The following CRACDL variants were observed in gnomAD, a reference collection of about 807,000 sequenced individuals.
The protein encoded by CRACDL is CRACD like, also known as CRACD-like protein.
Under a neutral mutation model 70.6 loss-of-function variants are expected in CRACDL, and 26 were observed. The ratio of observed to expected loss-of-function variants is 0.37; its 90% CI spans 0.27 to 0.51. The LOEUF is 0.51. Ranked by LOEUF, CRACDL falls within the 20% of genes least tolerant of loss-of-function variation. The pLI, the probability that CRACDL is intolerant of heterozygous loss-of-function variation, is 0.94. For synonymous variants in CRACDL, 618 were observed against 615.2 expected (o/e 1.00, Z -0.07); for missense variants, 1,283 against 1,376.9 (o/e 0.93, Z 1.08).
chr2:98,865,014 A>T (rs1167247983), intron 1 of CRACDL, among the ~76,000 whole-genome samples: 1 of 152,212 alleles, frequency 6.6e-6, no homozygotes, highest in Non-Finnish European at 1.5e-5. Context: ...ATGCAATCTC[A>T]TGGAGAAGAC....
At chr2:98,802,037 G>A (rs1342636714) in intron 7 of CRACDL, among the ~76,000 whole-genome samples, 1 of 152,238 alleles carries the variant, frequency 6.6e-6, no homozygotes, top group Non-Finnish European at 1.5e-5. Flanking sequence ...GCCTCTTGCA[G>A]GGTCAGGCAG....
At chr2:98,865,703 G>C (rs946280880) in intron 1 of CRACDL, among the ~76,000 whole-genome samples, 1 of 152,034 alleles carries the variant, frequency 6.6e-6, no homozygotes, top group African/African-American at 2.4e-5. Flanking sequence ...CAAAAGCAGA[G>C]GGACTTGACA....
intron 1 of CRACDL, among the ~76,000 whole-genome samples, chr2:98,894,473 G>A (rs888260386): frequency 1.3e-5 from 2 of 152,192 alleles, no homozygotes; most frequent in Non-Finnish European, 2.9e-5. Flanking sequence ...GAAAATCCCC[G>A]GAGTTACCTA....
chr2:98,853,609 A>T (rs1706570962), intron 1 of CRACDL, among the ~76,000 whole-genome samples: 1 of 152,216 alleles, frequency 6.6e-6, no homozygotes, highest in Non-Finnish European at 1.5e-5. Context: ...AATGTGGTAA[A>T]TATGTGGGTA....
At position 98,832,423 on chromosome 2, in the gene CRACDL, A is replaced by G. The variant is rs2104499845; in HGVS notation, c.465T>C (p.Ser155=). Reference sequence around the variant, plus strand: ...GGCTCCTGGGCAGCCCGTCGTCCTCAGAGCTCATGCCGGCATCCTCTCCCC... The same window carrying G: ...GGCTCCTGGGCAGCCCGTCGTCCTCGGAGCTCATGCCGGCATCCTCTCCCC... ...AKRGEDAGMS[S]EDDGLPRSPP... is the part of the protein sequence containing the mutation. The change falls in exon 5 of 10, where the codon TCT becomes TCC. Residue 155 remains serine (S), a synonymous_variant. Coordinates refer to ENST00000397899, the MANE Select transcript of CRACDL (RefSeq NM_207362.3). 1 of 1,614,174 alleles carries G rather than the reference A, an allele frequency of 6.2e-7. No homozygotes were observed. The highest frequency in any genetic ancestry group is 1.3e-5 in the African/African-American group (1 of 75,064).
rs57359413 is a variant in CRACDL at position 98,831,826 on chromosome 2, G to T, written c.540+522C>A. On this transcript the variant is annotated intron_variant, in intron 5 of 9. Transcript: ENST00000397899. ...TTCCTCCACCCTGCTGAGGTCATCAGTTCCTCTCTTGCTTGTCAACCTTTC... is the reference window on the plus strand; with the variant it reads ...TTCCTCCACCCTGCTGAGGTCATCATTTCCTCTCTTGCTTGTCAACCTTTC... 7.5e-3 allele frequency among the ~76,000 whole-genome samples: 1,135 copies of T among 152,256 alleles called. 14 individuals carry two copies. The highest frequency in any genetic ancestry group is 0.025 in the African/African-American group (1,024 of 41,514).
chr2:98,861,764 G>A (rs1264247164), intron 1 of CRACDL, among the ~76,000 whole-genome samples: 1 of 152,128 alleles, frequency 6.6e-6, no homozygotes, highest in Non-Finnish European at 1.5e-5. Context: ...GGGAAGGACT[G>A]GGGGGTACAT....
chr2:98,845,197 CTTCT>C (rs1559230199), intron 2 of CRACDL, among the ~76,000 whole-genome samples: 25 of 107,430 alleles, frequency 2.3e-4, no homozygotes, highest in Non-Finnish European at 2.3e-4. Flanking sequence ...CTTTCTTCTT[CTTCT>C]TTTTTTTTTT....
intron 1 of CRACDL, among the ~76,000 whole-genome samples, chr2:98,863,778 A>T (rs1707025721): frequency 6.6e-6 from 1 of 152,226 alleles, no homozygotes; most frequent in Non-Finnish European, 1.5e-5. Flanking sequence ...ATCAGGACAT[A>T]ACCCCATCGT....
rs1705127941 is a variant in CRACDL at position 98,822,786 on chromosome 2, C to T, written c.1487G>A (p.Ser496Asn). Residue 496 changes from serine to asparagine, a missense_variant, in exon 7 of 10, where the codon AGC becomes AAC. Ser to Asn is a conservative substitution (Grantham distance 46). Around this residue, in one of 2 missense-constraint regions of CRACDL, gnomAD observed 921 missense variants for 881.9 expected, o/e 1.04. Transcript: ENST00000397899. The surrounding 1 kb of genome is among the most constrained non-coding windows in gnomAD (Gnocchi z 4.9). Reference protein sequence around the residue: ...APAPSPPAPKSCLKHRPAAAS... With the variant: ...APAPSPPAPKNCLKHRPAAAS... ...GGCCGCGGGCCGGTGTTTCAGGCAG[C>T]TCTTGGGCGCCGGCGGGCTCGGGGC... The T allele has an allele frequency of 6.3e-5, 85 of 1,351,096 alleles. No individual in the cohort carries two copies. Among genetic ancestry groups the T allele is most frequent in the Non-Finnish European group, 7.6e-5 (80 of 1,056,918 alleles). The allele number at this position is 1,351,096 out of a possible 1,614,324, so 83.7% of individuals were successfully genotyped here.
At chr2:98,893,494 C>T (rs1345409614) in intron 1 of CRACDL, among the ~76,000 whole-genome samples, 1 of 152,124 alleles carries the variant, frequency 6.6e-6, no homozygotes, top group African/African-American at 2.4e-5. Flanking sequence ...ACATGTTAGC[C>T]AGGATGGTCT....
In CRACDL at chr2:98,797,335, A is replaced by T. The variant is rs901793383; in HGVS notation, c.2604+15T>A. The T allele has an allele frequency of 1.9e-6, 3 of 1,613,164 alleles. No individual in the cohort carries two copies. The African/African-American group carries it at 4.0e-5, about 22-fold the overall frequency. ...CCTCCTGCACCCACAGAACAGAAGT[A>T]TTTGCTCTAAGCACCTGGCCTCTCT... On this transcript the variant is annotated intron_variant, in intron 8 of 9. Coordinates refer to ENST00000397899, the MANE Select transcript of CRACDL (RefSeq NM_207362.3).
At chr2:98,918,548 A>C (rs1708724194) in intron 1 of CRACDL, among the ~76,000 whole-genome samples, 1 of 144,444 alleles carries the variant, frequency 6.9e-6, no homozygotes, top group South Asian at 2.2e-4. Context: ...CCAAAAAAAA[A>C]AAAAAAAAAA....
At chr2:98,846,004 A>G (rs1178248809) in intron 2 of CRACDL, among the ~76,000 whole-genome samples, 1 of 152,232 alleles carries the variant, frequency 6.6e-6, no homozygotes, top group Non-Finnish European at 1.5e-5. Context: ...ACTATATCAA[A>G]GAAAATCACT....
intron 1 of CRACDL, among the ~76,000 whole-genome samples, chr2:98,862,646 A>G (rs1197952470): frequency 1.3e-5 from 2 of 152,240 alleles, no homozygotes; most frequent in Non-Finnish European, 2.9e-5. Flanking sequence ...CTGAAATGAA[A>G]AATTCACTAG....
chr2:98,844,445 C>T (rs1476673917), intron 2 of CRACDL, among the ~76,000 whole-genome samples: 1 of 152,108 alleles, frequency 6.6e-6, no homozygotes, highest in Non-Finnish European at 1.5e-5. Context: ...ATGGTGTTCT[C>T]CTTGTGTGCA....
chr2:98,859,422 A>C (rs774568610), intron 1 of CRACDL, among the ~76,000 whole-genome samples: 7 of 152,234 alleles, frequency 4.6e-5, no homozygotes, highest in Admixed American at 2.0e-4. Context: ...GAATACTGGC[A>C]AAAACAACCC....
At chr2:98,900,559 G>T (rs1409339211) in intron 1 of CRACDL, among the ~76,000 whole-genome samples, 1 of 152,124 alleles carries the variant, frequency 6.6e-6, no homozygotes, top group Non-Finnish European at 1.5e-5. Context: ...AAGAACAGGG[G>T]TGGGAGTAGG....
Position 98,794,634 on chromosome 2 carries a change from C to G in CRACDL, c.2787G>C (p.Gln929His). 6.2e-7 allele frequency: 1 copy of G among 1,613,832 alleles called. No homozygotes were observed. Residue 929 changes from glutamine (Q) to histidine (H), a missense_variant, in exon 10 of 10, where the codon CAG becomes CAC. This residue lies in a region of CRACDL where 921 missense variants were observed against 881.9 expected (regional missense o/e 1.04). Transcript: ENST00000397899. Reference protein sequence around the residue: ...SAVMMEKELHQLKRASYASTD... With the variant: ...SAVMMEKELHHLKRASYASTD... ...TACTGGCATAACTGGCTCTCTTCAG[C>G]TGATGCAGTTCCTTCTCCATCATCA...
Sources: gnomAD v4.1 joint callset for allele counts (sites outside exome capture counted in the v4.1 genomes callset) on GRCh38, gnomAD v4.1.1 for gene constraint, gnomAD v4.1.1 regional missense constraint, Gnocchi (gnomAD v3.1) non-coding constraint, MANE v1.5 for transcripts, NCBI Gene and HGNC (gene_info 2026-07-23, HGNC 2026-07-21) for gene names.